The following BMP3 variants were observed in gnomAD, a reference collection of about 807,000 sequenced individuals.
BMP3 encodes the protein bone morphogenetic protein 3 (osteogenic).
In BMP3, 23 loss-of-function variants were observed where a neutral mutation model predicts 38.1. The observed-to-expected ratio is 0.60, with a 90% CI of 0.43 to 0.86. BMP3 has a LOEUF of 0.86. BMP3 is among the 40% of genes least tolerant of loss of function. The pLI, the probability that BMP3 is intolerant of heterozygous loss-of-function variation, is 0.00. For missense variants in BMP3, 628 were observed against 579.6 expected (o/e 1.08, Z -0.86); for synonymous variants, 258 against 225.7 (o/e 1.14, Z -1.28).
At chr4:81,034,697 A>G (rs923248307) in intron 1 of BMP3, among the ~76,000 whole-genome samples, 1 of 152,226 alleles carries the variant, frequency 6.6e-6, no homozygotes, top group Admixed American at 6.5e-5. Flanking sequence ...TAGATTTAAA[A>G]AAATAACTGA....
intron 1 of BMP3, among the ~76,000 whole-genome samples, chr4:81,045,331 AC>A (rs1403638488): frequency 6.6e-6 from 1 of 151,966 alleles, no homozygotes; most frequent in Admixed American, 6.6e-5. Flanking sequence ...CTGAGTTGTA[AC>A]TGTTATTTAT....
intron 2 of BMP3, among the ~76,000 whole-genome samples, chr4:81,051,589 G>A (rs918676893): frequency 1.3e-5 from 2 of 152,156 alleles, no homozygotes. Flanking sequence ...GAGAAAAGTG[G>A]ATGGCTGCAA....
intron 1 of BMP3, among the ~76,000 whole-genome samples, chr4:81,043,970 T>C (rs377141800): frequency 2.0e-5 from 3 of 152,170 alleles, no homozygotes; most frequent in Non-Finnish European, 4.4e-5. Flanking sequence ...ACAATAATAA[T>C]TGATATTTAA....
chr4:81,050,988 T>C (rs1740387876), intron 2 of BMP3, among the ~76,000 whole-genome samples: 3 of 149,520 alleles, frequency 2.0e-5, no homozygotes, highest in South Asian at 2.2e-4. Context: ...TTTCTGTTAA[T>C]GGCAGGTTGA....
chr4:81,043,427 C>G (rs185149105), intron 1 of BMP3, among the ~76,000 whole-genome samples: 1 of 152,096 alleles, frequency 6.6e-6, no homozygotes, highest in African/African-American at 2.4e-5. Context: ...AAAGTTAACT[C>G]TTAAATTTAT....
rs1335850232 is a variant in BMP3, at chr4:81,031,534, C to A, written c.250C>A (p.Gln84Lys). ...ACCGGGCTCCCTGGAGGGAGGCTCG[C>A]AGCCCTGGCGCCCTCGGCTCCTGCG... ...RTPGSLEGGS[Q>K]PWRPRLLREG... Residue 84 changes from glutamine to lysine, a missense_variant, in exon 1 of 3, where the codon CAG (glutamine) becomes AAG (lysine). Transcript: ENST00000282701. The A allele has an allele frequency of 8.7e-6, 14 of 1,611,332 alleles. No individual in the cohort carries two copies. The highest frequency in any genetic ancestry group is 1.2e-5 in the Non-Finnish European group (14 of 1,179,212).
In BMP3 at chr4:81,045,728, T is replaced by C; in HGVS notation, c.317-10T>C. ...TTCTCCTGTTTACTCTCTTTCTTTT[T>C]CCTTCCTAGAAACTCTTGAAAGAAA... On this transcript the variant is annotated splice_polypyrimidine_tract_variant and intron_variant, in intron 1 of 2. Transcript: ENST00000282701. The C allele has an allele frequency of 6.4e-7, 1 of 1,560,066 alleles. No individual in the cohort carries two copies. The highest frequency in any genetic ancestry group is 8.7e-7 in the Non-Finnish European group (1 of 1,155,730).
rs1196563878 is a variant in BMP3 at position 81,053,286 on chromosome 4, G to A, written c.1228-59G>A. Reference sequence around the variant, plus strand: ...ATAAGCATTTTGTGTAATGAGGACTGAGGAGTGGAAACGCAGTTCCACCTA... The same window carrying A: ...ATAAGCATTTTGTGTAATGAGGACTAAGGAGTGGAAACGCAGTTCCACCTA... On this transcript the variant is annotated intron_variant, in intron 2 of 2. Coordinates refer to ENST00000282701, the MANE Select transcript of BMP3 (RefSeq NM_001201.5). 3.9e-5 allele frequency: 50 copies of A among 1,271,916 alleles called. No individual in the cohort carries two copies. In the Admixed American group the frequency reaches 1.3e-3, roughly 34 times the overall value. 78.8% of individuals were successfully genotyped at this position (1,271,916 alleles called of 1,614,324 possible).
chr4:81,048,867 C>T (rs1192133260), intron 2 of BMP3, among the ~76,000 whole-genome samples: 1 of 152,170 alleles, frequency 6.6e-6, no homozygotes, highest in Non-Finnish European at 1.5e-5. Context: ...GGAGTAGAGC[C>T]TAAGATTCTG....
At chr4:81,037,391 C>T (rs1392295581) in intron 1 of BMP3, 5 of 252,062 alleles carry the variant, frequency 2.0e-5, no homozygotes, top group Admixed American at 1.4e-4. Flanking sequence ...TTTCTATTAC[C>T]TAAAGCTAAG....
In BMP3 at chr4:81,053,601, GTTTT is replaced by G. The variant is rs60606505; in HGVS notation, c.*82_*85del. On this transcript the variant is annotated 3_prime_UTR_variant, in exon 3 of 3. Transcript: ENST00000282701. ...AGTTTATTTTTATGGACTTCTTCCT[GTTTT>G]TTTTTTTTTTTTTTTTGCACTGCCA... The G allele has an allele frequency of 5.4e-3, 1,915 of 356,222 alleles. No homozygotes were observed. The highest frequency in any genetic ancestry group is 6.8e-3 in the Middle Eastern group (7 of 1,036). The allele number at this position is 356,222 out of a possible 1,614,324, so 22.1% of individuals were successfully genotyped here.
At chr4:81,036,513 CAGTT>C (rs1268513259) in intron 1 of BMP3, among the ~76,000 whole-genome samples, 1 of 151,968 alleles carries the variant, frequency 6.6e-6, no homozygotes, top group Non-Finnish European at 1.5e-5. Context: ...TACTAATAAT[CAGTT>C]AGTGTCTTAA....
At chr4:81,039,463 A>G (rs1740010110) in intron 1 of BMP3, among the ~76,000 whole-genome samples, 1 of 151,776 alleles carries the variant, frequency 6.6e-6, no homozygotes, top group Non-Finnish European at 1.5e-5. Flanking sequence ...TCCCCTTACC[A>G]CTCCCTGGAC....
At position 81,030,745 on chromosome 4, in the gene BMP3, G is replaced by A. The variant is rs989917403; in HGVS notation, c.-540G>A. ...TACACACACACACACGCACACACGC[G>A]CGCGCGCGCGCGCACACACACACAC... On this transcript the variant is annotated 5_prime_UTR_variant, in exon 1 of 3. Coordinates refer to ENST00000282701, the MANE Select transcript of BMP3 (RefSeq NM_001201.5). Among the ~76,000 whole-genome samples, 6 of 150,664 alleles carry A rather than the reference G, an allele frequency of 4.0e-5. No homozygotes were observed. Among genetic ancestry groups the A allele is most frequent in the Non-Finnish European group, 7.4e-5 (5 of 67,560 alleles).
Position 81,053,438 on chromosome 4 carries a change from A to G in BMP3, c.1321A>G (p.Lys441Glu). 3 of 1,611,668 alleles carry G rather than the reference A, an allele frequency of 1.9e-6. No individual in the cohort carries two copies. Among genetic ancestry groups the G allele is most frequent in the Non-Finnish European group, 2.5e-6 (3 of 1,178,770 alleles). The change falls in exon 3 of 3, where the codon AAG (lysine) becomes GAG (glutamate). Residue 441 changes from lysine to glutamate, a missense_variant. Physicochemically the swap from Lys to Glu is moderately conservative, Grantham distance 56. Transcript: ENST00000282701. ...TCCTGAGCCTTGCTGTGTACCAGAA[A>G]AGATGTCCTCACTCAGTATTTTATT... ...GIPEPCCVPEKMSSLSILFFD... is the reference protein window; with the variant it reads ...GIPEPCCVPEEMSSLSILFFD...
chr4:81,052,907 G>A (rs1029709978), intron 2 of BMP3, among the ~76,000 whole-genome samples: 8 of 152,152 alleles, frequency 5.3e-5, no homozygotes, highest in African/African-American at 1.7e-4. Context: ...GGTCAATAAC[G>A]AATCATTTTT....
Position 81,046,082 on chromosome 4 carries a change from A to G in BMP3, c.661A>G (p.Ile221Val), listed in dbSNP as rs1400706833. ...TGAAGAGTTCCTCATAGGATTTAAC[A>G]TTACGTCCAAGGGACGCCAGCTGCC... ...ENEEFLIGFN[I>V]TSKGRQLPKR... Residue 221 changes from isoleucine to valine, a missense_variant, in exon 2 of 3, where the codon ATT becomes GTT. Physicochemically the swap from Ile to Val is conservative, Grantham distance 29. Coordinates refer to ENST00000282701, the MANE Select transcript of BMP3 (RefSeq NM_001201.5). 1.2e-6 allele frequency: 2 copies of G among 1,614,042 alleles called. No individual in the cohort carries two copies. Among genetic ancestry groups the G allele is most frequent in the Non-Finnish European group, 1.7e-6 (2 of 1,180,036 alleles).
chr4:81,053,601 GTT>G lies in BMP3; in HGVS notation c.*84_*85del, dbSNP rs60606505. 0.055 allele frequency: 19,612 copies of G among 353,724 alleles called. 63 individuals are homozygous for G. Among genetic ancestry groups the G allele is most frequent in the African/African-American group, 0.084 (2,824 of 33,664 alleles). 21.9% of individuals were successfully genotyped at this position (353,724 alleles called of 1,614,324 possible). ...AGTTTATTTTTATGGACTTCTTCCT[GTT>G]TTTTTTTTTTTTTTTTTTGCACTGC... On this transcript the variant is annotated 3_prime_UTR_variant, in exon 3 of 3. Transcript: ENST00000282701.
rs1740222315 is a variant in BMP3, at chr4:81,045,937, C to T, written c.516C>T (p.Phe172=). The part of the protein sequence containing the change: ...QIDLSAWTLK[F]SRNQSQLLGH... Reference sequence around the variant, plus strand: ...ATCTTTCTGCATGGACCCTCAAATTCAGCAGAAACCAAAGTCAACTCCTTG... The same window carrying T: ...ATCTTTCTGCATGGACCCTCAAATTTAGCAGAAACCAAAGTCAACTCCTTG... Residue 172 remains phenylalanine (F), a synonymous_variant, in exon 2 of 3, where the codon TTC becomes TTT. Coordinates refer to ENST00000282701, the MANE Select transcript of BMP3 (RefSeq NM_001201.5). The T allele has an allele frequency of 6.2e-7, 1 of 1,613,856 alleles. No homozygotes were observed. Among genetic ancestry groups the T allele is most frequent in the South Asian group, 1.1e-5 (1 of 91,058 alleles).
Sources: allele counts gnomAD v4.1 joint callset (sites outside exome capture counted in the v4.1 genomes callset), GRCh38; gene constraint gnomAD v4.1.1; transcripts MANE v1.5; gene names NCBI Gene and HGNC (gene_info 2026-07-23, HGNC 2026-07-21).